NTN1: variants seen among roughly 807,000 people sequenced by gnomAD.
The protein encoded by NTN1 is netrin 1.
NTN1 carries 11 observed loss-of-function variants against 54.2 expected under a neutral mutation model. That is an observed-to-expected ratio of 0.20 (90% CI 0.13 to 0.34). The LOEUF is 0.34. Among genes scored for constraint, NTN1 ranks in the 10% least tolerant of loss-of-function variants. The pLI, the probability that NTN1 is intolerant of heterozygous loss-of-function variation, is 1.00. For synonymous variants in NTN1, 371 were observed against 382.0 expected (o/e 0.97, Z 0.33); for missense variants, 740 against 893.1 (o/e 0.83, Z 2.18).
chr17:9,189,870 G>A (rs576546301), intron 5 of NTN1, among the ~76,000 whole-genome samples: 1 of 152,162 alleles, frequency 6.6e-6, no homozygotes, highest in African/African-American at 2.4e-5. Flanking sequence ...GGCATGACCA[G>A]GGCCACAGGT....
intron 3 of NTN1, among the ~76,000 whole-genome samples, chr17:9,168,532 CAA>C (rs58496626): frequency 0.15 from 21,191 of 137,052 alleles, 1,565 homozygotes; most frequent in Middle Eastern, 0.2. Flanking sequence ...AACGCCGTCT[CAA>C]AAAAAAAAAA....
chr17:9,242,632 C>G lies in NTN1; in HGVS notation c.*2664C>G, dbSNP rs185815639. On this transcript the variant is annotated 3_prime_UTR_variant, in exon 7 of 7. Coordinates refer to ENST00000173229, the MANE Select transcript of NTN1 (RefSeq NM_004822.3). Reference sequence around the variant, plus strand: ...TGCCCCTCCCTTCGGCTCAGCACCCCGCAGGGCACAGGCTGTCCGCCCGGT... The same window carrying G: ...TGCCCCTCCCTTCGGCTCAGCACCCGGCAGGGCACAGGCTGTCCGCCCGGT... 6.6e-6 allele frequency: 1 copy of G among 152,310 alleles called. No homozygotes were observed. The highest frequency in any genetic ancestry group is 2.4e-5 in the African/African-American group (1 of 41,472). 9.4% of individuals were successfully genotyped at this position (152,310 alleles called of 1,614,324 possible).
chr17:9,140,015 TA>T (rs1008945163), intron 2 of NTN1, among the ~76,000 whole-genome samples: 23 of 152,050 alleles, frequency 1.5e-4, no homozygotes, highest in African/African-American at 5.3e-4. Context: ...GGTCCACTCT[TA>T]TACTTTCAGT....
intron 2 of NTN1, among the ~76,000 whole-genome samples, chr17:9,078,186 C>T (rs2092058285): frequency 6.6e-6 from 1 of 152,140 alleles, no homozygotes; most frequent in African/African-American, 2.4e-5. Flanking sequence ...AATGGCGATC[C>T]CTTGCTTTCA....
chr17:9,112,951 T>C (rs757990477), intron 2 of NTN1, among the ~76,000 whole-genome samples: 2 of 151,960 alleles, frequency 1.3e-5, no homozygotes, highest in Non-Finnish European at 2.9e-5. Context: ...TTCGTTCAGG[T>C]AAGAAGTTGT....
chr17:9,104,344 G>A (rs901529153), intron 2 of NTN1, among the ~76,000 whole-genome samples: 8 of 152,208 alleles, frequency 5.3e-5, no homozygotes, highest in African/African-American at 1.9e-4. Context: ...CTTAAAAATG[G>A]TTAAGGTGGT....
chr17:9,197,687 GAA>G (rs1904675988), intron 5 of NTN1, among the ~76,000 whole-genome samples: 1 of 150,496 alleles, frequency 6.6e-6, no homozygotes, highest in African/African-American at 2.4e-5. Context: ...GGAAGAAAAA[GAA>G]AAGAAATTCA....
intron 2 of NTN1, among the ~76,000 whole-genome samples, chr17:9,116,704 G>T (rs1441933553): frequency 6.6e-6 from 1 of 152,176 alleles, no homozygotes; most frequent in Non-Finnish European, 1.5e-5. Flanking sequence ...TTGCCTCTCA[G>T]TACAGAGCGC....
At chr17:9,114,447 TA>T (rs372338509) in intron 2 of NTN1, among the ~76,000 whole-genome samples, 18,322 of 144,732 alleles carry the variant, frequency 0.13, 1,159 homozygotes, top group African/African-American at 0.15. Flanking sequence ...TTACTTGAGT[TA>T]AAAAAAAAAA....
At chr17:9,202,122 T>C (rs574555128) in intron 5 of NTN1, among the ~76,000 whole-genome samples, 85 of 137,204 alleles carry the variant, frequency 6.2e-4, no homozygotes, top group African/African-American at 2.3e-3. Context: ...GCACCTGTAG[T>C]CCCAGCTACT....
At chr17:9,176,966 T>C (rs969755035) in intron 3 of NTN1, 2 of 152,228 alleles carry the variant, frequency 1.3e-5, no homozygotes, top group African/African-American at 4.8e-5. Context: ...GTGGATGTGC[T>C]AAGGAGTTTG....
chr17:9,018,787 T>G (rs2091837296), upstream of NTN1, among the ~76,000 whole-genome samples: 1 of 152,186 alleles, frequency 6.6e-6, no homozygotes, highest in South Asian at 2.1e-4. Flanking sequence ...GGAATGTCTT[T>G]TCCTGACTTG....
the NTN1 span, among the ~76,000 whole-genome samples, chr17:9,012,672 T>C: frequency 6.6e-6 from 1 of 152,170 alleles, no homozygotes; most frequent in East Asian, 1.9e-4. Context: ...ACTGGATCCT[T>C]CTTAGGGAGT....
chr17:9,038,811 T>G (rs943504242), intron 2 of NTN1, among the ~76,000 whole-genome samples: 1 of 152,170 alleles, frequency 6.6e-6, no homozygotes, highest in Non-Finnish European at 1.5e-5. Context: ...TTTTTAAACT[T>G]ACATTTCATC....
intron 2 of NTN1, among the ~76,000 whole-genome samples, chr17:9,065,215 G>A (rs551515917): frequency 2.7e-4 from 41 of 152,310 alleles, no homozygotes; most frequent in African/African-American, 9.6e-4. Context: ...GGGATTACAG[G>A]TGTGAGCCAC....
At chr17:9,117,834 A>C (rs1333070830) in intron 2 of NTN1, among the ~76,000 whole-genome samples, 1 of 151,264 alleles carries the variant, frequency 6.6e-6, no homozygotes, top group Non-Finnish European at 1.5e-5. Flanking sequence ...CCACCACCCA[A>C]CTGGTGGGTG....
intron 2 of NTN1, among the ~76,000 whole-genome samples, chr17:9,158,904 G>C (rs946451830): frequency 2.6e-5 from 4 of 152,202 alleles, no homozygotes; most frequent in Non-Finnish European, 4.4e-5. Context: ...AGACTTCAGG[G>C]CAGGAGCTGT....
rs75627424 is a variant in NTN1 at position 9,081,467 on chromosome 17, T to G, written c.1018+58076T>G. Among the ~76,000 whole-genome samples the G allele has an allele frequency of 6.6e-3, 1,006 of 152,278 alleles. 12 individuals are homozygous for G. Among genetic ancestry groups the G allele is most frequent in the African/African-American group, 0.023 (967 of 41,556 alleles). ...TCCATTTGCACCTGTTTCATTCCAT[T>G]TATCACCAACACCCAAGCTCTGTTC... On this transcript the variant is annotated intron_variant, in intron 2 of 6. Transcript: ENST00000173229.
chr17:9,179,677 G>A (rs1398899654), intron 3 of NTN1, 130 bp from the exon 4 acceptor site: 1 of 1,178,372 alleles, frequency 8.5e-7, no homozygotes, highest in Non-Finnish European at 1.2e-6. Flanking sequence ...GGCTTGGCTG[G>A]GCCTGCTCCC....
Sources: gnomAD v4.1 joint callset for allele counts (sites outside exome capture counted in the v4.1 genomes callset) on GRCh38, gnomAD v4.1.1 for gene constraint, MANE v1.5 for transcripts, NCBI Gene and HGNC (gene_info 2026-07-23, HGNC 2026-07-21) for gene names.